TSPAN7: variants seen among roughly 807,000 people sequenced by gnomAD.
TSPAN7 encodes the protein tetraspanin 7, also known as tetraspanin-7.
A neutral mutation model predicts 17.6 loss-of-function variants in TSPAN7; 1 was observed. The observed-to-expected ratio is 0.06, with a 90% CI of 0.02 to 0.27. The LOEUF is 0.27. Among genes scored for constraint, TSPAN7 ranks in the 10% least tolerant of loss-of-function variants. TSPAN7 has a pLI of 1.00. For missense variants in TSPAN7, 112 were observed against 201.7 expected (o/e 0.56, Z 2.69); for synonymous variants, 78 against 79.0 (o/e 0.99, Z 0.07).
intron 5 of TSPAN7, among the ~76,000 whole-genome samples, chrX:38,676,597 A>G (rs757739468): frequency 8.9e-6 from 1 of 112,024 alleles, no homozygotes; most frequent in African/African-American, 3.2e-5. Flanking sequence ...ATTTTGGTAA[A>G]CAAAAGGGAG....
At chrX:38,681,116 A>G in intron 5 of TSPAN7, 88 bp from the exon 6 acceptor site, 1 of 696,712 alleles carries the variant, frequency 1.4e-6, no homozygotes, top group Non-Finnish European at 2.3e-6. Flanking sequence ...TTAAGGTTGA[A>G]GTGTATGTTG....
chrX:38,644,958 T>C lies in TSPAN7; in HGVS notation c.82-21163T>C, dbSNP rs147761554. 2.0e-3 allele frequency among the ~76,000 whole-genome samples: 224 copies of C among 112,170 alleles called. 2 individuals carry two copies. The highest frequency in any genetic ancestry group is 6.8e-3 in the African/African-American group (211 of 30,917). On this transcript the variant is annotated intron_variant, in intron 1 of 7. Coordinates refer to ENST00000378482, the MANE Select transcript of TSPAN7 (RefSeq NM_004615.4). ...TAAGTGGTGTGGAACAGGATTATTC[T>C]AACCCAGGAAGACAACCCCTAAGCC...
chrX:38,664,130 C>T (rs1258892731), intron 1 of TSPAN7, among the ~76,000 whole-genome samples: 1 of 112,364 alleles, frequency 8.9e-6, no homozygotes, highest in Non-Finnish European at 1.9e-5. Context: ...TCTTTGGTCC[C>T]ATTTTAAATC....
chrX:38,563,913 A>C (rs746778366), intron 1 of TSPAN7, among the ~76,000 whole-genome samples: 13 of 112,011 alleles, frequency 1.2e-4, no homozygotes, highest in Non-Finnish European at 2.1e-4. Context: ...AGCCTTATTG[A>C]GGCATGATTC....
At chrX:38,568,456 T>C (rs1188753439) in intron 1 of TSPAN7, among the ~76,000 whole-genome samples, 1 of 111,067 alleles carries the variant, frequency 9.0e-6, no homozygotes, top group Non-Finnish European at 1.9e-5. Flanking sequence ...AGTTTGGAAA[T>C]CATTTATCCT....
intron 1 of TSPAN7, among the ~76,000 whole-genome samples, chrX:38,659,974 G>A (rs1388811120): frequency 1.9e-5 from 2 of 107,845 alleles, no homozygotes; most frequent in Admixed American, 1.0e-4. Context: ...TTACAGGCAC[G>A]CACCACCACA....
At chrX:38,637,790 C>T (rs1388863900) in intron 1 of TSPAN7, among the ~76,000 whole-genome samples, 1 of 112,601 alleles carries the variant, frequency 8.9e-6, no homozygotes, top group Non-Finnish European at 1.9e-5. Flanking sequence ...TGGAGAAGTG[C>T]CTCTGGTGTA....
At chrX:38,679,424 G>T (rs2069875871) in intron 5 of TSPAN7, among the ~76,000 whole-genome samples, 1 of 111,678 alleles carries the variant, frequency 9.0e-6, no homozygotes, top group Non-Finnish European at 1.9e-5. Context: ...GCTACCTTTT[G>T]GGAAAGTGTT....
chrX:38,578,720 A>T (rs1381177783), intron 1 of TSPAN7, among the ~76,000 whole-genome samples: 1 of 110,576 alleles, frequency 9.0e-6, no homozygotes, highest in East Asian at 2.8e-4. Flanking sequence ...GAACTCTGAG[A>T]TATAGCATGC....
intron 1 of TSPAN7, among the ~76,000 whole-genome samples, chrX:38,657,494 C>T (rs1569312994): frequency 8.9e-6 from 1 of 111,915 alleles, no homozygotes; most frequent in Admixed American, 9.5e-5. Context: ...CAGCTAAACT[C>T]CCCAGGATGA....
intron 1 of TSPAN7, among the ~76,000 whole-genome samples, chrX:38,591,626 G>A (rs982420616): frequency 2.7e-5 from 3 of 111,687 alleles, no homozygotes; most frequent in Non-Finnish European, 3.8e-5. Context: ...TTATAATTGC[G>A]GATATGTCTG....
intron 1 of TSPAN7, among the ~76,000 whole-genome samples, chrX:38,592,513 C>T (rs2069297704): frequency 9.2e-6 from 1 of 109,150 alleles, no homozygotes; most frequent in Non-Finnish European, 1.9e-5. Flanking sequence ...TTTATCTTAC[C>T]TGTTAGCTTA....
chrX:38,600,030 A>G (rs1199993550), intron 1 of TSPAN7, among the ~76,000 whole-genome samples: 1 of 111,639 alleles, frequency 9.0e-6, no homozygotes, highest in African/African-American at 3.3e-5. Flanking sequence ...ACAATGAACT[A>G]GTTTTAAGGC....
At chrX:38,612,257 T>C (rs937629089) in intron 1 of TSPAN7, 3 of 111,902 alleles carry the variant, frequency 2.7e-5, no homozygotes, top group African/African-American at 9.8e-5. Flanking sequence ...CACAGGCTGC[T>C]CTGCGTTTCC....
chrX:38,649,985 T>C (rs1359197194), intron 1 of TSPAN7, among the ~76,000 whole-genome samples: 1 of 112,161 alleles, frequency 8.9e-6, no homozygotes, highest in Admixed American at 9.4e-5. Flanking sequence ...TTCCATGAAT[T>C]TGAAATTTGT....
intron 1 of TSPAN7, among the ~76,000 whole-genome samples, chrX:38,640,030 A>G (rs1161504864): frequency 1.8e-5 from 2 of 112,085 alleles, no homozygotes; most frequent in Admixed American, 9.4e-5. Context: ...GTTTTGTACT[A>G]CAATGGATCT....
chrX:38,627,449 C>T (rs1360976048), intron 1 of TSPAN7, among the ~76,000 whole-genome samples: 1 of 112,089 alleles, frequency 8.9e-6, no homozygotes, highest in Non-Finnish European at 1.9e-5. Context: ...CAGATTGTTA[C>T]GTCAGTGAGG....
intron 1 of TSPAN7, among the ~76,000 whole-genome samples, chrX:38,633,039 C>A (rs941956812): frequency 8.9e-6 from 1 of 112,232 alleles, no homozygotes; most frequent in Middle Eastern, 4.2e-3. Flanking sequence ...CATAGGTTTA[C>A]TTACTGGGAA....
intron 1 of TSPAN7, among the ~76,000 whole-genome samples, chrX:38,615,754 C>T (rs983498286): frequency 8.9e-6 from 1 of 112,100 alleles, no homozygotes; most frequent in African/African-American, 3.2e-5. Context: ...GGGATATCAT[C>T]TCTTCCATTC....
Sources: gnomAD v4.1 joint callset for allele counts (sites outside exome capture counted in the v4.1 genomes callset) on GRCh38, gnomAD v4.1.1 for gene constraint, MANE v1.5 for transcripts, NCBI Gene and HGNC (gene_info 2026-07-23, HGNC 2026-07-21) for gene names.